MTMR7: variants seen among roughly 807,000 people sequenced by gnomAD.
The protein encoded by MTMR7 is myotubularin related protein 7.
In MTMR7, 76 loss-of-function variants were observed where a neutral mutation model predicts 81.2. That is an observed-to-expected ratio of 0.94 (90% CI 0.78 to 1.13). The LOEUF (loss-of-function observed/expected upper bound fraction) is 1.13. Ranked by LOEUF, MTMR7 falls within the 50% of genes most tolerant of loss-of-function variation. The pLI, the probability that MTMR7 is intolerant of heterozygous loss-of-function variation, is 0.00. For missense variants in MTMR7, 1,044 were observed against 820.0 expected, an observed-to-expected ratio of 1.27 and a Z score of -3.34; for synonymous variants, 372 against 289.8, an observed-to-expected ratio of 1.28 and a Z score of -2.88.
intron 3 of MTMR7, among the ~76,000 whole-genome samples, chr8:17,366,736 A>T (rs1021648083): frequency 6.6e-6 from 1 of 151,954 alleles, no homozygotes; most frequent in Admixed American, 6.6e-5. Flanking sequence ...AATACAAAAA[A>T]TTAACCGGGC....
intron 8 of MTMR7, among the ~76,000 whole-genome samples, chr8:17,312,574 C>CAAAAAA (rs10617081): frequency 4.1e-4 from 36 of 87,248 alleles, no homozygotes; most frequent in African/African-American, 1.7e-3. Context: ...GACTCCCTCT[C>CAAAAAA]AAAAAAAAAA....
intron 7 of MTMR7, among the ~76,000 whole-genome samples, chr8:17,326,928 G>C (rs1467649356): frequency 1.3e-5 from 2 of 152,134 alleles, no homozygotes; most frequent in Non-Finnish European, 2.9e-5. Context: ...CAAGTATTTT[G>C]TAAATAAAGA....
intron 7 of MTMR7, among the ~76,000 whole-genome samples, chr8:17,329,531 C>A (rs568297500): frequency 2.6e-5 from 4 of 152,208 alleles, no homozygotes. Context: ...CAAAGATTAC[C>A]CATTTAAAAA....
chr8:17,391,586 G>T (rs1821110961), intron 1 of MTMR7, among the ~76,000 whole-genome samples: 1 of 152,094 alleles, frequency 6.6e-6, no homozygotes, highest in Non-Finnish European at 1.5e-5. Context: ...TATCCGTTTA[G>T]CTTAAAAGGC....
At chr8:17,317,986 T>G (rs1425551027) in intron 7 of MTMR7, among the ~76,000 whole-genome samples, 1 of 152,118 alleles carries the variant, frequency 6.6e-6, no homozygotes, top group Non-Finnish European at 1.5e-5. Context: ...TGTGTTTAAC[T>G]GGAACAGAAA....
chr8:17,390,083 A>AG (rs1821058680), intron 1 of MTMR7, among the ~76,000 whole-genome samples: 1 of 139,004 alleles, frequency 7.2e-6, no homozygotes. Flanking sequence ...TAAAAAAAAA[A>AG]AAAAAGAAAT....
chr8:17,339,591 T>C (rs1819348460), intron 6 of MTMR7, among the ~76,000 whole-genome samples: 3 of 152,234 alleles, frequency 2.0e-5, no homozygotes, highest in Admixed American at 2.0e-4. Flanking sequence ...AGTCCATTCC[T>C]TTTTATAGCT....
intron 7 of MTMR7, among the ~76,000 whole-genome samples, chr8:17,318,947 A>G (rs1818243645): frequency 6.6e-6 from 1 of 152,218 alleles, no homozygotes; most frequent in Admixed American, 6.5e-5. Flanking sequence ...AGCACTGCTC[A>G]TTGTCCTGCT....
intron 3 of MTMR7, among the ~76,000 whole-genome samples, chr8:17,366,191 A>G (rs186661581): frequency 6.6e-6 from 1 of 152,174 alleles, no homozygotes; most frequent in Non-Finnish European, 1.5e-5. Context: ...CTTCTCTCCC[A>G]TATAAAGGAA....
rs1337293338 is a variant in MTMR7 at position 17,297,055 on chromosome 8, A to G, written c.*2807T>C. 6.6e-6 allele frequency: 1 copy of G among 152,168 alleles called. No homozygotes were observed. The highest frequency in any genetic ancestry group is 1.5e-5 in the Non-Finnish European group (1 of 68,010). 9.4% of individuals were successfully genotyped at this position (152,168 alleles called of 1,614,324 possible). A position where few individuals can be genotyped will look rare whatever the true frequency, so the allele number is the denominator to read the frequency against. ...TTAAGTGACCATTTTTTCTAATTTT[A>G]TGGCTATATATTTTCTTCATAAAAA... On this transcript the variant is annotated 3_prime_UTR_variant, in exon 14 of 14. Coordinates refer to ENST00000180173, the MANE Select transcript of MTMR7 (RefSeq NM_004686.5).
At chr8:17,318,955 G>C (rs1012488820) in intron 7 of MTMR7, among the ~76,000 whole-genome samples, 1 of 152,216 alleles carries the variant, frequency 6.6e-6, no homozygotes, top group East Asian at 1.9e-4. Context: ...TCATTGTCCT[G>C]CTTCCCTGAT....
chr8:17,354,883 C>T (rs759670080), intron 4 of MTMR7, among the ~76,000 whole-genome samples: 3 of 152,140 alleles, frequency 2.0e-5, no homozygotes, highest in East Asian at 3.9e-4. Context: ...CCTCCCATTT[C>T]GGTGATATTT....
chr8:17,304,510 T>C lies in MTMR7; in HGVS notation c.1362A>G (p.Glu454=). ...GGTGAGCCCATAATGAGTATGTTCT[T>C]TCTTGAATCCTGTTATAAAGAAAAT... The part of the protein sequence containing the change: ...QKERRELKIQ[E]RTYSLWAHLW... The change falls in exon 12 of 14, where the codon GAA becomes GAG. Residue 454 remains glutamate, a synonymous_variant. Transcript: ENST00000180173. 1.2e-6 allele frequency: 2 copies of C among 1,613,300 alleles called. No individual in the cohort carries two copies. The highest frequency in any genetic ancestry group is 8.5e-7 in the Non-Finnish European group (1 of 1,179,386).
intron 1 of MTMR7, among the ~76,000 whole-genome samples, chr8:17,407,725 C>A (rs1195383388): frequency 1.3e-5 from 2 of 151,906 alleles, no homozygotes; most frequent in Non-Finnish European, 2.9e-5. Context: ...ATGTTTAGTG[C>A]ACGCAAAGAA....
intron 5 of MTMR7, among the ~76,000 whole-genome samples, chr8:17,342,037 G>A (rs1038641855): frequency 4.6e-5 from 7 of 151,876 alleles, no homozygotes; most frequent in African/African-American, 9.7e-5. Flanking sequence ...GTTTGAAACC[G>A]AAGGACAGCA....
At chr8:17,371,806 G>A (rs552479287) in intron 2 of MTMR7, among the ~76,000 whole-genome samples, 51 of 150,664 alleles carry the variant, frequency 3.4e-4, no homozygotes, top group African/African-American at 1.2e-3. Context: ...ACATCATACG[G>A]AATGATTAAA....
At chr8:17,324,745 G>C (rs1465639620) in intron 7 of MTMR7, among the ~76,000 whole-genome samples, 1 of 152,166 alleles carries the variant, frequency 6.6e-6, no homozygotes. Flanking sequence ...ACTTTAATGG[G>C]AAAATGGGTT....
chr8:17,410,460 C>T (rs567036082), intron 1 of MTMR7, among the ~76,000 whole-genome samples: 10 of 152,234 alleles, frequency 6.6e-5, no homozygotes, highest in African/African-American at 2.4e-4. Flanking sequence ...AAGCTTCCAG[C>T]AAGTTTTCAG....
At chr8:17,378,470 G>A (rs1370637988) in intron 1 of MTMR7, among the ~76,000 whole-genome samples, 2 of 152,082 alleles carry the variant, frequency 1.3e-5, no homozygotes, top group Non-Finnish European at 2.9e-5. Flanking sequence ...CTTACTGTTG[G>A]GCTAACTTAA....
Sources: allele counts gnomAD v4.1 joint callset (sites outside exome capture counted in the v4.1 genomes callset), GRCh38; gene constraint gnomAD v4.1.1; transcripts MANE v1.5; gene names NCBI Gene and HGNC (gene_info 2026-07-23, HGNC 2026-07-21).